The following MYT1L variants were observed in gnomAD, a reference collection of about 807,000 sequenced individuals.
MYT1L encodes myelin transcription factor 1-like protein.
A neutral mutation model predicts 126.7 loss-of-function variants in MYT1L; 12 were observed. The ratio of observed to expected loss-of-function variants is 0.09; its 90% confidence interval spans 0.06 to 0.15. The LOEUF is 0.15. MYT1L is among the 10% of genes least tolerant of loss of function. The pLI, the probability that MYT1L is intolerant of heterozygous loss-of-function variation, is 1.00. For synonymous variants in MYT1L, 541 were observed against 604.2 expected (o/e 0.90, Z 1.53); for missense variants, 979 against 1,585.2 (o/e 0.62, Z 6.49).
intron 3 of MYT1L, among the ~76,000 whole-genome samples, chr2:2,118,543 TACAA>T (rs1046184207): frequency 1.3e-5 from 2 of 152,228 alleles, no homozygotes; most frequent in African/African-American, 4.8e-5. Flanking sequence ...GGATGCCTGT[TACAA>T]ACATAGAAGG....
At chr2:2,221,427 T>C (rs988269495) in intron 2 of MYT1L, among the ~76,000 whole-genome samples, 4 of 152,172 alleles carry the variant, frequency 2.6e-5, no homozygotes, top group Admixed American at 2.6e-4. Context: ...GGGCACAGAA[T>C]GCATCTGAGG....
intron 5 of MYT1L, among the ~76,000 whole-genome samples, chr2:1,986,098 G>A (rs572222416): frequency 6.6e-6 from 1 of 152,312 alleles, no homozygotes; most frequent in South Asian, 2.1e-4. Context: ...CTGGCCCATG[G>A]TAGATGCCTG....
At chr2:2,308,476 A>G (rs1049522795) in intron 1 of MYT1L, among the ~76,000 whole-genome samples, 1 of 151,458 alleles carries the variant, frequency 6.6e-6, no homozygotes, top group African/African-American at 2.4e-5. Flanking sequence ...GATATACTCT[A>G]TCTATACTCC....
chr2:2,087,488 C>G (rs761127853), intron 3 of MYT1L, among the ~76,000 whole-genome samples: 58 of 152,288 alleles, frequency 3.8e-4, no homozygotes, highest in Non-Finnish European at 7.5e-4. Flanking sequence ...GCAGGTTCAT[C>G]TATGCTGCTG....
chr2:2,150,043 C>T (rs2085492935), intron 3 of MYT1L, among the ~76,000 whole-genome samples: 1 of 152,176 alleles, frequency 6.6e-6, no homozygotes, highest in Non-Finnish European at 1.5e-5. Flanking sequence ...TCTCACCTCG[C>T]CTCTCTCTTT....
At chr2:2,229,483 G>A (rs775740292) in intron 2 of MYT1L, among the ~76,000 whole-genome samples, 32 of 151,634 alleles carry the variant, frequency 2.1e-4, no homozygotes, top group Admixed American at 1.1e-3. Flanking sequence ...ACTCTGCTGC[G>A]CAGGCTGAAG....
At chr2:2,127,359 A>G (rs552955322) in intron 3 of MYT1L, among the ~76,000 whole-genome samples, 25 of 152,312 alleles carry the variant, frequency 1.6e-4, no homozygotes, top group African/African-American at 6.0e-4. Flanking sequence ...TAAAGACAAC[A>G]CTTTTTATTT....
At chr2:2,277,858 C>A (rs182245346) in intron 2 of MYT1L, among the ~76,000 whole-genome samples, 21 of 152,200 alleles carry the variant, frequency 1.4e-4, no homozygotes, top group Admixed American at 2.6e-4. Context: ...AATTAACATA[C>A]CTTAATTTGA....
chr2:2,011,537 A>T (rs1324068305), intron 4 of MYT1L, among the ~76,000 whole-genome samples: 1 of 152,190 alleles, frequency 6.6e-6, no homozygotes, highest in African/African-American at 2.4e-5. Flanking sequence ...CGCTATCAAA[A>T]TTTTAAAAAA....
chr2:2,295,663 C>G (rs13022636), intron 1 of MYT1L, among the ~76,000 whole-genome samples: 123 of 32,134 alleles, frequency 3.8e-3, no homozygotes, highest in Non-Finnish European at 4.7e-3. Context: ...GACAGACAGA[C>G]AGAGAGAGAG....
intron 4 of MYT1L, among the ~76,000 whole-genome samples, chr2:2,012,940 C>T (rs183886723): frequency 6.6e-6 from 1 of 152,224 alleles, no homozygotes; most frequent in East Asian, 1.9e-4. Flanking sequence ...TAACCTCTTC[C>T]TGGGCCAGAG....
At chr2:2,264,814 G>A (rs2149305913) in intron 2 of MYT1L, among the ~76,000 whole-genome samples, 1 of 152,226 alleles carries the variant, frequency 6.6e-6, no homozygotes, top group Non-Finnish European at 1.5e-5. Context: ...TATGCAACAG[G>A]AAAACCCAAT....
Position 1,887,603 on chromosome 2 carries a change from C to T in MYT1L, c.2527G>A (p.Asp843Asn). The T allele has an allele frequency of 6.2e-7, 1 of 1,614,028 alleles. No homozygotes were observed. Among genetic ancestry groups the T allele is most frequent in the Non-Finnish European group, 8.5e-7 (1 of 1,179,896 alleles). Reference sequence around the variant, plus strand: ...AGAGCCTCCTGGAATGGGTCCAAGTCTTCTGGCTGTGGGCAAAACACAGCT... The same window carrying T: ...AGAGCCTCCTGGAATGGGTCCAAGTTTTCTGGCTGTGGGCAAAACACAGCT... ...EDESKDITPE[D>N]LDPFQEALEE... Residue 843 changes from aspartate to asparagine, a missense_variant, in exon 17 of 25, where the codon GAC becomes AAC. By Grantham distance (23) the Asp-to-Asn change is conservative. Around this residue, in one of 12 missense-constraint regions of MYT1L, gnomAD observed 141 missense variants for 170.6 expected, o/e 0.83. Coordinates refer to ENST00000647738, the MANE Select transcript of MYT1L (RefSeq NM_001303052.2). This position sits in a 1 kb window ranked among gnomAD's most constrained non-coding sequence, Gnocchi z 4.8.
At chr2:1,908,016 G>A (rs1223218346) in intron 13 of MYT1L, among the ~76,000 whole-genome samples, 1 of 152,252 alleles carries the variant, frequency 6.6e-6, no homozygotes, top group Non-Finnish European at 1.5e-5. Context: ...ACCTCGCACT[G>A]CAGTGAGACT....
chr2:2,322,583 A>C (rs1488463739), intron 1 of MYT1L, among the ~76,000 whole-genome samples: 1 of 151,674 alleles, frequency 6.6e-6, no homozygotes, highest in Non-Finnish European at 1.5e-5. Flanking sequence ...ATATGACACA[A>C]TTTTGACCCT....
rs998527515 is a variant in MYT1L, at chr2:2,211,827, C to CA, written c.-420-38840dup. On this transcript the variant is annotated intron_variant, in intron 2 of 24. Coordinates refer to ENST00000647738, the MANE Select transcript of MYT1L (RefSeq NM_001303052.2). The stretch of plus-strand genomic sequence containing the variant: ...TCAAAAAAAAAAAAAAAAAACCAAA[C>CA]AAAAAAAAAACTGACAATGCTTCTA... 6.4e-3 allele frequency among the ~76,000 whole-genome samples: 871 copies of CA among 135,736 alleles called. 9 individuals are homozygous for CA. The highest frequency in any genetic ancestry group is 0.019 in the African/African-American group (725 of 37,490). 89.0% of individuals were successfully genotyped at this position (135,736 alleles called of 152,430 possible). A position where few individuals can be genotyped will look rare whatever the true frequency, so the allele number is the denominator to read the frequency against.
At chr2:2,136,291 A>G (rs748811473) in intron 3 of MYT1L, among the ~76,000 whole-genome samples, 78 of 152,318 alleles carry the variant, frequency 5.1e-4, no homozygotes, top group Non-Finnish European at 1.1e-3. Flanking sequence ...TCCAGCATAC[A>G]GATGCCTTTG....
chr2:1,907,950 C>T (rs993206299), intron 13 of MYT1L, among the ~76,000 whole-genome samples: 1 of 152,236 alleles, frequency 6.6e-6, no homozygotes, highest in Admixed American at 6.5e-5. Context: ...CAGCGCCTCC[C>T]TGAACAACCA....
intron 5 of MYT1L, among the ~76,000 whole-genome samples, chr2:1,982,619 C>G (rs992389242): frequency 6.6e-6 from 1 of 152,154 alleles, no homozygotes; most frequent in South Asian, 2.1e-4. Context: ...ACAGAGGGAA[C>G]AGGACGTGTA....
Sources: gnomAD v4.1 joint callset for allele counts (sites outside exome capture counted in the v4.1 genomes callset) on GRCh38, gnomAD v4.1.1 for gene constraint, gnomAD v4.1.1 regional missense constraint, Gnocchi (gnomAD v3.1) non-coding constraint, MANE v1.5 for transcripts, NCBI Gene and HGNC (gene_info 2026-07-23, HGNC 2026-07-21) for gene names.